RPSA2: variants seen among roughly 807,000 people sequenced by gnomAD.
The protein encoded by RPSA2 is small ribosomal subunit protein uS2B.
the RPSA2 span, among the ~76,000 whole-genome samples, chr19:23,769,954 GAACTGCAAAAA>G: frequency 1.3e-5 from 2 of 152,088 alleles, no homozygotes; most frequent in African/African-American, 4.8e-5. Flanking sequence ...TTCTGCCTGG[GAACTGCAAAAA>G]AAGTATTATT....
At chr19:23,865,081 C>T in the RPSA2 span, among the ~76,000 whole-genome samples, 1 of 152,108 alleles carries the variant, frequency 6.6e-6, no homozygotes, top group African/African-American at 2.4e-5. Flanking sequence ...ATAGGGACTT[C>T]GAGGAAGTGA....
chr19:23,806,180 G>T, the RPSA2 span, among the ~76,000 whole-genome samples: 2 of 151,596 alleles, frequency 1.3e-5, no homozygotes, highest in Non-Finnish European at 2.9e-5. Flanking sequence ...GAGTAGCTGG[G>T]ATTACAAGCA....
chr19:23,844,409 G>C, the RPSA2 span, among the ~76,000 whole-genome samples: 1 of 152,168 alleles, frequency 6.6e-6, no homozygotes, highest in East Asian at 1.9e-4. Flanking sequence ...ACCCAATGGT[G>C]AAATTTCTGA....
At chr19:23,790,635 T>G in the RPSA2 span, 1 of 293,198 alleles carries the variant, frequency 3.4e-6, no homozygotes. Context: ...ACTGTGTCTC[T>G]AGCTGCAGAT....
At chr19:23,797,937 TA>T in the RPSA2 span, among the ~76,000 whole-genome samples, 1 of 152,184 alleles carries the variant, frequency 6.6e-6, no homozygotes, top group Non-Finnish European at 1.5e-5. Flanking sequence ...CACATAAAAA[TA>T]AGAGAAAATA....
chr19:23,852,934 T>C, the RPSA2 span, among the ~76,000 whole-genome samples: 1 of 152,240 alleles, frequency 6.6e-6, no homozygotes, highest in East Asian at 1.9e-4. Flanking sequence ...GAGCAATGTG[T>C]AATCCAGCTT....
chr19:23,827,548 T>C, the RPSA2 span: 1 of 1,596,398 alleles, frequency 6.3e-7, no homozygotes, highest in Non-Finnish European at 8.5e-7. Flanking sequence ...ACCCCAGGGC[T>C]GACCACCAGC....
the RPSA2 span, among the ~76,000 whole-genome samples, chr19:23,789,995 ATG>A: frequency 6.6e-6 from 1 of 151,166 alleles, no homozygotes; most frequent in Non-Finnish European, 1.5e-5. Context: ...TCTTTTTTGT[ATG>A]TATATATTTA....
At chr19:23,863,605 T>C in the RPSA2 span, among the ~76,000 whole-genome samples, 1 of 150,524 alleles carries the variant, frequency 6.6e-6, no homozygotes, top group African/African-American at 2.4e-5. Context: ...ACAGATTCAT[T>C]TGTAATATAA....
At chr19:23,868,917 G>A in the RPSA2 span, among the ~76,000 whole-genome samples, 148,935 of 152,264 alleles carry the variant, frequency 0.98, 72,933 homozygotes, top group Middle Eastern at 1. Flanking sequence ...TGGAGTCATG[G>A]TGACATCAAC....
At chr19:23,761,901 A>ATCCTTCCTTCCTTCCCTTCC in the RPSA2 span, among the ~76,000 whole-genome samples, 1 of 34,016 alleles carries the variant, frequency 2.9e-5, no homozygotes. Flanking sequence ...GGGTAACGTA[A>ATCCTTCCTTCCTTCCCTTCC]TTCTTTCTTT....
the RPSA2 span, among the ~76,000 whole-genome samples, chr19:23,805,023 T>TGTGGCTTAGG: frequency 1.3e-5 from 2 of 150,126 alleles, no homozygotes; most frequent in Non-Finnish European, 3.0e-5. Context: ...TTTGGGTTTG[T>TGTGGCTTAGG]TAAGGACAGG....
chr19:23,777,006 A>G, the RPSA2 span, among the ~76,000 whole-genome samples: 7 of 152,280 alleles, frequency 4.6e-5, no homozygotes, highest in Middle Eastern at 3.4e-3. Flanking sequence ...GATATATCGC[A>G]TGGCCCAGTA....
the RPSA2 span, among the ~76,000 whole-genome samples, chr19:23,783,014 C>G: frequency 8.0e-4 from 122 of 152,176 alleles, no homozygotes; most frequent in African/African-American, 2.9e-3. Flanking sequence ...TTGTGATGTG[C>G]ATTTAGGTGC....
chr19:23,800,195 T>C, the RPSA2 span, among the ~76,000 whole-genome samples: 2 of 5,778 alleles, frequency 3.5e-4, no homozygotes, highest in African/African-American at 3.7e-4. Context: ...TGCCCGTCTT[T>C]TTTATTTTAT....
At chr19:23,778,653 C>G in the RPSA2 span, among the ~76,000 whole-genome samples, 1 of 152,050 alleles carries the variant, frequency 6.6e-6, no homozygotes, top group Admixed American at 6.6e-5. Flanking sequence ...AGGCTCAACA[C>G]ACAAGTGATG....
At chr19:23,783,949 C>T in the RPSA2 span, among the ~76,000 whole-genome samples, 1 of 152,106 alleles carries the variant, frequency 6.6e-6, no homozygotes, top group African/African-American at 2.4e-5. Flanking sequence ...GTTGAGAACC[C>T]TGTGATGTGA....
chr19:23,806,361 A>G, the RPSA2 span, among the ~76,000 whole-genome samples: 2 of 152,164 alleles, frequency 1.3e-5, no homozygotes, highest in East Asian at 3.9e-4. Flanking sequence ...CTAGATTTCT[A>G]TGGGGAAAAC....
At chr19:23,774,769 G>A in the RPSA2 span, among the ~76,000 whole-genome samples, 1 of 152,158 alleles carries the variant, frequency 6.6e-6, no homozygotes, top group African/African-American at 2.4e-5. Context: ...CAGCACCCAT[G>A]TGATATGACT....
Sources: gnomAD v4.1 joint callset for allele counts (sites outside exome capture counted in the v4.1 genomes callset) on GRCh38, gnomAD v4.1.1 for gene constraint, MANE v1.5 for transcripts, NCBI Gene and HGNC (gene_info 2026-07-23, HGNC 2026-07-21) for gene names.